Variants in ATF7IP observed in about 807,000 individuals in gnomAD.
ATF7IP encodes activating transcription factor 7 interacting protein.
ATF7IP carries 23 observed loss-of-function variants against 106.4 expected under a neutral mutation model. The observed-to-expected ratio is 0.22, with a 90% CI of 0.16 to 0.31. The LOEUF (loss-of-function observed/expected upper bound fraction) is 0.31, where lower values mean the gene tolerates loss of function less well. Among genes scored for constraint, ATF7IP ranks in the 10% least tolerant of loss-of-function variants. The probability of loss-of-function intolerance (pLI) is 1.00; values close to 1 mark genes in which losing one functional copy is unlikely to be tolerated. For synonymous variants in ATF7IP, 542 were observed against 539.0 expected, an observed-to-expected ratio of 1.01 and a Z score of -0.08; for missense variants, 1,334 against 1,524.3, an observed-to-expected ratio of 0.88 and a Z score of 2.08.
intron 1 of ATF7IP, among the ~76,000 whole-genome samples, chr12:14,387,143 A>G (rs527894979): frequency 1.0e-3 from 157 of 152,286 alleles, no homozygotes; most frequent in African/African-American, 3.6e-3. Context: ...CTTATATGAC[A>G]TAGTAGATTC....
chr12:14,458,595 G>A (rs948673756), intron 8 of ATF7IP, among the ~76,000 whole-genome samples: 1 of 152,182 alleles, frequency 6.6e-6, no homozygotes, highest in African/African-American at 2.4e-5. Flanking sequence ...GCCCGAGGCA[G>A]GTGGATTGCT....
At position 14,496,351 on chromosome 12, in the gene ATF7IP, T is replaced by C. The variant is rs773521991; in HGVS notation, c.3393+8T>C. On this transcript the variant is annotated splice_region_variant and intron_variant, in intron 14 of 14. Transcript: ENST00000261168. The stretch of plus-strand genomic sequence containing the variant: ...CCACCACAAGTGCATACTGTAAGTG[T>C]TGATGCTTGGTTTTGCAAAATTCTC... 2 of 1,601,980 alleles carry C rather than the reference T, an allele frequency of 1.2e-6. No homozygotes were observed. Among genetic ancestry groups the C allele is most frequent in the Non-Finnish European group, 1.7e-6 (2 of 1,170,526 alleles).
At chr12:14,389,820 T>A (rs1939447994) in intron 1 of ATF7IP, among the ~76,000 whole-genome samples, 1 of 152,092 alleles carries the variant, frequency 6.6e-6, no homozygotes, top group African/African-American at 2.4e-5. Flanking sequence ...AGAGACTGGG[T>A]TTCTCCATGT....
At chr12:14,414,761 A>C (rs1242524984) in intron 1 of ATF7IP, among the ~76,000 whole-genome samples, 5 of 152,168 alleles carry the variant, frequency 3.3e-5, no homozygotes, top group African/African-American at 9.7e-5. Flanking sequence ...CTGACACAGA[A>C]AGTTAGCTGT....
intron 1 of ATF7IP, among the ~76,000 whole-genome samples, chr12:14,367,844 T>G (rs1938371277): frequency 6.6e-6 from 1 of 152,118 alleles, no homozygotes; most frequent in African/African-American, 2.4e-5. Flanking sequence ...TATTTGTTTA[T>G]TAGTACTTTG....
intron 7 of ATF7IP, 58 bp from the exon 8 acceptor site, chr12:14,457,149 G>A: frequency 7.1e-7 from 1 of 1,406,336 alleles, no homozygotes; most frequent in South Asian, 1.2e-5. Context: ...CTAGATATCA[G>A]TTGGTATTCC....
At chr12:14,436,919 A>C (rs957098809) in intron 4 of ATF7IP, among the ~76,000 whole-genome samples, 1 of 151,874 alleles carries the variant, frequency 6.6e-6, no homozygotes, top group Non-Finnish European at 1.5e-5. Flanking sequence ...ACTTTATCTT[A>C]TTGTGAAAAG....
Position 14,372,215 on chromosome 12 carries a change from C to T in ATF7IP, c.-8+6388C>T, listed in dbSNP as rs147836477. ...CATCCACAGAGTAAATCAGGGGCTC[C>T]TCCAGGCATTTTAATTTGTTGAAAA... On this transcript the variant is annotated intron_variant, in intron 1 of 14. Coordinates refer to ENST00000261168, the MANE Select transcript of ATF7IP (RefSeq NM_018179.5). Among the ~76,000 whole-genome samples, 1,463 of 152,106 alleles carry T rather than the reference C, an allele frequency of 9.6e-3. 6 individuals carry two copies. Among genetic ancestry groups the T allele is most frequent in the African/African-American group, 0.019 (786 of 41,520 alleles).
chr12:14,456,481 C>A, intron 6 of ATF7IP, 80 bp from the exon 7 acceptor site: 1 of 859,886 alleles, frequency 1.2e-6, no homozygotes, highest in Non-Finnish European at 1.9e-6. Flanking sequence ...TATTGACAGG[C>A]ATCTACAGGT....
chr12:14,372,843 C>G (rs1938585167), intron 1 of ATF7IP, among the ~76,000 whole-genome samples: 1 of 152,056 alleles, frequency 6.6e-6, no homozygotes, highest in Non-Finnish European at 1.5e-5. Flanking sequence ...AATTATGTGT[C>G]CATCACTCTT....
chr12:14,425,355 A>C lies in ATF7IP; in HGVS notation c.1440A>C (p.Lys480Asn). 3.1e-6 allele frequency: 5 copies of C among 1,613,074 alleles called. No homozygotes were observed. The highest frequency in any genetic ancestry group is 4.2e-6 in the Non-Finnish European group (5 of 1,179,730). ...KMESSFGSPS[K>N]QESSESLPKE... ...AAAGTTCTTTTGGTTCACCATCTAA[A>C]CAAGAAAGTAGTGAGAGTTTGCCAA... The change falls in exon 2 of 15, where the codon AAA (lysine) becomes AAC (asparagine). Residue 480 changes from lysine to asparagine, a missense_variant. Lys to Asn is a moderately conservative substitution (Grantham distance 94). Coordinates refer to ENST00000261168, the MANE Select transcript of ATF7IP (RefSeq NM_018179.5).
At chr12:14,367,168 C>CT (rs934729482) in intron 1 of ATF7IP, among the ~76,000 whole-genome samples, 6 of 152,078 alleles carry the variant, frequency 3.9e-5, no homozygotes, top group African/African-American at 1.2e-4. Flanking sequence ...GGTTATAACT[C>CT]TTTAAGTTTG....
chr12:14,468,291 AAATAT>A (rs201044121), intron 10 of ATF7IP, among the ~76,000 whole-genome samples: 2,248 of 150,354 alleles, frequency 0.015, 21 homozygotes, highest in Non-Finnish European at 0.019. Flanking sequence ...AAAAAAAAAG[AAATAT>A]AATATATGTA....
intron 1 of ATF7IP, among the ~76,000 whole-genome samples, chr12:14,414,590 AT>A (rs1465986128): frequency 1.3e-5 from 2 of 152,214 alleles, no homozygotes; most frequent in Non-Finnish European, 2.9e-5. Context: ...TGTATACTGT[AT>A]ATCTCTGTCA....
intron 1 of ATF7IP, among the ~76,000 whole-genome samples, chr12:14,392,374 G>A (rs1340939927): frequency 6.6e-6 from 1 of 152,154 alleles, no homozygotes; most frequent in East Asian, 1.9e-4. Context: ...ATGTCACAGA[G>A]CAGGGTCTTT....
chr12:14,419,865 T>C (rs1478397617), intron 1 of ATF7IP: 4 of 152,164 alleles, frequency 2.6e-5, no homozygotes, highest in Non-Finnish European at 5.9e-5. Flanking sequence ...AGTTATATAA[T>C]TTAAATAAAA....
chr12:14,478,216 C>A, intron 11 of ATF7IP, 101 bp from the exon 12 acceptor site: 1 of 1,074,744 alleles, frequency 9.3e-7, no homozygotes, highest in Non-Finnish European at 1.4e-6. Context: ...GTAAATGTGA[C>A]ACACAAGTGG....
At chr12:14,496,147 C>T (rs1945005232) in intron 13 of ATF7IP, 84 bp from the exon 14 acceptor site, 2 of 823,334 alleles carry the variant, frequency 2.4e-6, no homozygotes, top group African/African-American at 3.4e-5. Context: ...CATTGCTTCA[C>T]TGCCTTCAAA....
intron 13 of ATF7IP, among the ~76,000 whole-genome samples, chr12:14,491,473 T>G (rs955129001): frequency 6.6e-6 from 1 of 152,056 alleles, no homozygotes; most frequent in Non-Finnish European, 1.5e-5. Context: ...GGCACACAAA[T>G]CTCTCACCAA....
Sources: gnomAD v4.1 joint callset for allele counts (sites outside exome capture counted in the v4.1 genomes callset) on GRCh38, gnomAD v4.1.1 for gene constraint, MANE v1.5 for transcripts, NCBI Gene and HGNC (gene_info 2026-07-23, HGNC 2026-07-21) for gene names.